Variants in MTFR1 observed in about 807,000 individuals in gnomAD.
The protein encoded by MTFR1 is chondrocyte protein with a poly-proline region.
Under a neutral mutation model 38.8 loss-of-function variants are expected in MTFR1, and 28 were observed. That is an observed-to-expected ratio of 0.72 (90% CI 0.53 to 0.99). The LOEUF (loss-of-function observed/expected upper bound fraction) is 0.99. Ranked by LOEUF, MTFR1 falls within the 50% of genes least tolerant of loss-of-function variation. The probability of loss-of-function intolerance (pLI) is 0.00; values close to 1 mark genes in which losing one functional copy is unlikely to be tolerated. For missense variants in MTFR1, 358 were observed against 395.5 expected (o/e 0.91, Z 0.81); for synonymous variants, 145 against 137.0 (o/e 1.06, Z -0.41).
At chr8:65,674,160 T>G (rs1563442186) in intron 2 of MTFR1, among the ~76,000 whole-genome samples, 1 of 152,150 alleles carries the variant, frequency 6.6e-6, no homozygotes, top group Non-Finnish European at 1.5e-5. Context: ...CTTGAACGCC[T>G]GACCTCAGGT....
intron 1 of MTFR1, among the ~76,000 whole-genome samples, chr8:65,665,812 G>A (rs1169715513): frequency 6.6e-6 from 1 of 152,102 alleles, no homozygotes; most frequent in Non-Finnish European, 1.5e-5. Context: ...TACCAACTTT[G>A]GTTAATTCTT....
At chr8:65,673,855 G>A (rs376882099) in intron 2 of MTFR1, among the ~76,000 whole-genome samples, 20 of 152,016 alleles carry the variant, frequency 1.3e-4, no homozygotes, top group East Asian at 5.8e-4. Flanking sequence ...GCAGTGAGCC[G>A]AGATTGTGCC....
chr8:65,751,231 C>A (rs1448276500), intron 3 of MTFR1, among the ~76,000 whole-genome samples: 1 of 152,174 alleles, frequency 6.6e-6, no homozygotes, highest in African/African-American at 2.4e-5. Context: ...CTAAAACTAC[C>A]TCAAAGTTTT....
At chr8:65,652,386 C>G (rs1809147879) in intron 1 of MTFR1, among the ~76,000 whole-genome samples, 1 of 151,998 alleles carries the variant, frequency 6.6e-6, no homozygotes, top group South Asian at 2.1e-4. Context: ...TGTGAGCCAT[C>G]ATATCTAGCC....
At chr8:65,715,505 G>T (rs74519415), downstream of MTFR1, among the ~76,000 whole-genome samples, 255 of 151,626 alleles carry the variant, frequency 1.7e-3, 2 homozygotes, top group East Asian at 0.043. Flanking sequence ...AGCCTCCCGA[G>T]TAGCTGGGAT....
chr8:65,682,018 G>C (rs1346501116), intron 2 of MTFR1: 3 of 156,418 alleles, frequency 1.9e-5, no homozygotes, highest in Non-Finnish European at 4.3e-5. Flanking sequence ...TATAGCAGAA[G>C]AGATAAAATA....
chr8:65,742,328 C>G (rs2128903423), intron 3 of MTFR1, among the ~76,000 whole-genome samples: 1 of 152,274 alleles, frequency 6.6e-6, no homozygotes, highest in South Asian at 2.1e-4. Flanking sequence ...CCTCATGAAC[C>G]AGGTGGCTTT....
intron 1 of MTFR1, among the ~76,000 whole-genome samples, chr8:65,660,522 G>T (rs1419016705): frequency 6.6e-6 from 1 of 152,120 alleles, no homozygotes; most frequent in African/African-American, 2.4e-5. Flanking sequence ...GAGCAAATTT[G>T]TACTCAGCTT....
At chr8:65,704,321 A>G (rs1018990975) in intron 4 of MTFR1, among the ~76,000 whole-genome samples, 9 of 152,256 alleles carry the variant, frequency 5.9e-5, no homozygotes, top group African/African-American at 2.2e-4. Flanking sequence ...ATGGGGAGAT[A>G]TAGAAAGTTA....
At chr8:65,684,871 G>T (rs1180174477) in intron 3 of MTFR1, among the ~76,000 whole-genome samples, 2 of 151,920 alleles carry the variant, frequency 1.3e-5, no homozygotes, top group African/African-American at 2.4e-5. Context: ...GGGCATGGTG[G>T]CAGGCGCCTG....
intron 2 of MTFR1, among the ~76,000 whole-genome samples, chr8:65,681,513 C>T (rs1804887012): frequency 6.6e-6 from 1 of 152,130 alleles, no homozygotes; most frequent in Non-Finnish European, 1.5e-5. Context: ...TAGCATACTA[C>T]CTTTCTTTAC....
At position 65,744,359 on chromosome 8, in the gene MTFR1, C is replaced by T. The variant is rs556280226; in HGVS notation, c.*48+24878C>T. On this transcript the variant is annotated intron_variant, in intron 3 of 3. Coordinates refer to the MTFR1 transcript ENST00000521247. ...AATAAAAATATACTAAAAGGTAGAA[C>T]TGCCTAAGGTTTAGTGGTCCTCAAT... Among the ~76,000 whole-genome samples the T allele has an allele frequency of 1.8e-3, 279 of 152,250 alleles. 1 individual carries two copies. The highest frequency in any genetic ancestry group is 0.011 in the South Asian group (54 of 4,830).
At chr8:65,719,462 G>C (rs780220336) in exon 3 of MTFR1, 1 of 1,613,806 alleles carries the variant, frequency 6.2e-7, no homozygotes, top group Non-Finnish European at 8.5e-7. Flanking sequence ...GGCCCATTCT[G>C]TAAATAAAGG....
At chr8:65,721,203 G>A (rs1251664386) in intron 3 of MTFR1, among the ~76,000 whole-genome samples, 2 of 152,134 alleles carry the variant, frequency 1.3e-5, no homozygotes, top group Non-Finnish European at 2.9e-5. Flanking sequence ...AGCCCCACAA[G>A]CCTCTACTTT....
At chr8:65,754,524 G>A (rs571276246) in intron 3 of MTFR1, among the ~76,000 whole-genome samples, 7 of 151,150 alleles carry the variant, frequency 4.6e-5, no homozygotes, top group African/African-American at 1.7e-4. Flanking sequence ...TTTTAGTAGA[G>A]ATGGGGTTTC....
At chr8:65,774,464 T>C (rs938545199), downstream of MTFR1, among the ~76,000 whole-genome samples, 5 of 152,102 alleles carry the variant, frequency 3.3e-5, no homozygotes, top group African/African-American at 1.2e-4. Flanking sequence ...CCCTCAGGCT[T>C]TTAGAGAGAT....
At chr8:65,682,218 A>G (rs1804916018) in intron 2 of MTFR1, 135 bp from the exon 3 acceptor site, 1 of 355,374 alleles carries the variant, frequency 2.8e-6, no homozygotes, top group African/African-American at 2.1e-5. Flanking sequence ...ACATTAGCTT[A>G]TTTGCCATAA....
chr8:65,725,851 ATC>A (rs1315941949), intron 3 of MTFR1, among the ~76,000 whole-genome samples: 1 of 152,298 alleles, frequency 6.6e-6, no homozygotes, highest in East Asian at 1.9e-4. Context: ...AAACATTTTA[ATC>A]TGTCTTAATT....
At chr8:65,683,436 T>A (rs1804969325) in intron 3 of MTFR1, among the ~76,000 whole-genome samples, 1 of 152,120 alleles carries the variant, frequency 6.6e-6, no homozygotes, top group Non-Finnish European at 1.5e-5. Context: ...GGCCTTGTTT[T>A]CTTATTGTTA....
Sources: gnomAD v4.1 joint callset for allele counts (sites outside exome capture counted in the v4.1 genomes callset) on GRCh38, gnomAD v4.1.1 for gene constraint, MANE v1.5 for transcripts, NCBI Gene and HGNC (gene_info 2026-07-23, HGNC 2026-07-21) for gene names.